NAA60: variants seen among roughly 807,000 people sequenced by gnomAD.
The protein encoded by NAA60 is N-alpha-acetyltransferase 60, NatF catalytic subunit, also known as N-alpha-acetyltransferase 60.
Under a neutral mutation model 26.1 loss-of-function variants are expected in NAA60, and 8 were observed. That is an observed-to-expected ratio of 0.31 (90% CI 0.18 to 0.55). NAA60 has a LOEUF of 0.55. Ranked by LOEUF, NAA60 falls within the 20% of genes least tolerant of loss-of-function variation. The probability of loss-of-function intolerance (pLI) is 0.93; values close to 1 mark genes in which losing one functional copy is unlikely to be tolerated. For missense variants in NAA60, 290 were observed against 311.3 expected (o/e 0.93, Z 0.51); for synonymous variants, 131 against 122.5 (o/e 1.07, Z -0.46).
chr16:3,476,924 C>T (rs1567392609), intron 3 of NAA60, among the ~76,000 whole-genome samples: 1 of 152,004 alleles, frequency 6.6e-6, no homozygotes, highest in Non-Finnish European at 1.5e-5. Context: ...GCCTGTAATC[C>T]TAGCTACTTG....
chr16:3,465,891 A>G (rs1029131543), intron 2 of NAA60, among the ~76,000 whole-genome samples: 4 of 152,194 alleles, frequency 2.6e-5, no homozygotes, highest in Non-Finnish European at 5.9e-5. Context: ...TTTCAATGCA[A>G]TTGCGATAAA....
intron 2 of NAA60, among the ~76,000 whole-genome samples, chr16:3,466,119 C>T (rs531874957): frequency 6.6e-5 from 10 of 152,384 alleles, no homozygotes; most frequent in African/African-American, 2.2e-4. Context: ...CGCCATCGCG[C>T]TTCTCAGCTC....
At chr16:3,474,519 A>C (rs2036350665) in intron 2 of NAA60, among the ~76,000 whole-genome samples, 1 of 152,236 alleles carries the variant, frequency 6.6e-6, no homozygotes, top group Admixed American at 6.5e-5. Context: ...CCTTGTCAGG[A>C]AAGGGAAGGT....
intron 2 of NAA60, among the ~76,000 whole-genome samples, chr16:3,473,281 T>C (rs1244957267): frequency 6.6e-6 from 1 of 152,116 alleles, no homozygotes; most frequent in Non-Finnish European, 1.5e-5. Context: ...CTGGGTAATT[T>C]ATAAAGGAAC....
chr16:3,470,152 C>A (rs1213892529), intron 2 of NAA60, among the ~76,000 whole-genome samples: 2 of 152,228 alleles, frequency 1.3e-5, no homozygotes, highest in Non-Finnish European at 2.9e-5. Context: ...CCAGGGGTGA[C>A]TGACACAGTT....
At chr16:3,445,272 ATC>A (rs58240014) in intron 1 of NAA60, among the ~76,000 whole-genome samples, 3,289 of 138,528 alleles carry the variant, frequency 0.024, 179 homozygotes, top group African/African-American at 0.084. Context: ...GTTTGTGCTT[ATC>A]TCTTTTTTTT....
chr16:3,455,761 A>G (rs1192450601), intron 2 of NAA60, among the ~76,000 whole-genome samples: 1 of 146,582 alleles, frequency 6.8e-6, no homozygotes, highest in Non-Finnish European at 1.5e-5. Flanking sequence ...AGACTGGAGT[A>G]CAGTGGCGCG....
At chr16:3,445,727 C>T (rs1596275290) in intron 1 of NAA60, among the ~76,000 whole-genome samples, 1 of 151,930 alleles carries the variant, frequency 6.6e-6, no homozygotes, top group East Asian at 1.9e-4. Flanking sequence ...ACACAGTTTC[C>T]AATGCTTTGA....
chr16:3,479,763 CTG>C (rs397970860), intron 4 of NAA60, among the ~76,000 whole-genome samples, 163 bp downstream of exon 4: 4 of 150,988 alleles, frequency 2.6e-5, no homozygotes, highest in South Asian at 4.2e-4. Context: ...TGGTGCTTTT[CTG>C]TGTGTGTGTG....
intron 6 of NAA60, chr16:3,483,842 C>G (rs958325797): frequency 1.9e-6 from 1 of 516,300 alleles, no homozygotes; most frequent in Admixed American, 3.7e-5. Flanking sequence ...ATCCGCCTGC[C>G]GCAGCCTCCC....
At chr16:3,477,567 AAGGT>A (rs1596346878) in intron 3 of NAA60, among the ~76,000 whole-genome samples, 7 of 145,240 alleles carry the variant, frequency 4.8e-5, no homozygotes, top group Non-Finnish European at 7.6e-5. Context: ...TTGGGAGGCC[AAGGT>A]GGGTGGATCA....
intron 4 of NAA60, 42 bp downstream of exon 4, chr16:3,479,642 T>C (rs377035290): frequency 4.4e-5 from 71 of 1,608,580 alleles, no homozygotes; most frequent in Non-Finnish European, 5.4e-5. Context: ...GTCACTGTCA[T>C]TGGACGGGCC....
chr16:3,475,336 C>T (rs1007366317), intron 2 of NAA60, among the ~76,000 whole-genome samples: 3 of 152,170 alleles, frequency 2.0e-5, no homozygotes, highest in African/African-American at 7.2e-5. Flanking sequence ...GCAGTCCACC[C>T]ACCTTGGCCT....
In NAA60 at chr16:3,486,084, T is replaced by C; in HGVS notation, c.*824T>C. 1 of 204,388 alleles carries C rather than the reference T, an allele frequency of 4.9e-6. No individual in the cohort carries two copies. Among genetic ancestry groups the C allele is most frequent in the Non-Finnish European group, 1.0e-5 (1 of 97,690 alleles). 12.7% of individuals were successfully genotyped at this position (204,388 alleles called of 1,614,324 possible). A position where few individuals can be genotyped will look rare whatever the true frequency, so the allele number is the denominator to read the frequency against. ...TGCCACAAGCTGCTGCTCCAAGGCC[T>C]GGCCACATGCAGACAGGAGGAAGCT... On this transcript the variant is annotated 3_prime_UTR_variant, in exon 8 of 8. Coordinates refer to ENST00000407558, the MANE Select transcript of NAA60 (RefSeq NM_001083601.3).
At chr16:3,470,679 G>T (rs1004820895) in intron 2 of NAA60, among the ~76,000 whole-genome samples, 2 of 150,886 alleles carry the variant, frequency 1.3e-5, no homozygotes, top group Non-Finnish European at 1.5e-5. Flanking sequence ...GTTGGGGGGG[G>T]CCGCTGGCCC....
chr16:3,483,403 C>T lies in NAA60; in HGVS notation c.378C>T (p.Thr126=). The part of the protein sequence containing the change: ...LLESLKDHIS[T]TAQDHCKAIY... Reference sequence around the variant, plus strand: ...AAAGTTTAAAGGATCACATATCAACCACCGCCCAGGACCACTGCAAAGCCA... The same window carrying T: ...AAAGTTTAAAGGATCACATATCAACTACCGCCCAGGACCACTGCAAAGCCA... Residue 126 remains threonine, a synonymous_variant, in exon 6 of 8, where the codon ACC becomes ACT. Coordinates refer to ENST00000407558, the MANE Select transcript of NAA60 (RefSeq NM_001083601.3). 6.2e-7 allele frequency: 1 copy of T among 1,613,506 alleles called. No homozygotes were observed. The highest frequency in any genetic ancestry group is 8.5e-7 in the Non-Finnish European group (1 of 1,179,676).
intron 2 of NAA60, among the ~76,000 whole-genome samples, chr16:3,449,769 G>C (rs962547499): frequency 6.6e-6 from 1 of 152,042 alleles, no homozygotes; most frequent in Non-Finnish European, 1.5e-5. Flanking sequence ...TAATTGAATC[G>C]TGGGGCAGGT....
At chr16:3,463,307 G>A (rs2150970913) in intron 2 of NAA60, among the ~76,000 whole-genome samples, 1 of 152,092 alleles carries the variant, frequency 6.6e-6, no homozygotes, top group East Asian at 1.9e-4. Context: ...TAGCACTTTG[G>A]GAGGCCGAGG....
intron 2 of NAA60, among the ~76,000 whole-genome samples, chr16:3,471,900 C>CTG (rs2036171789): frequency 6.6e-6 from 1 of 152,138 alleles, no homozygotes; most frequent in African/African-American, 2.4e-5. Context: ...TCTGGAAAGG[C>CTG]TGAATCGAGG....
Sources: gnomAD v4.1 joint callset for allele counts (sites outside exome capture counted in the v4.1 genomes callset) on GRCh38, gnomAD v4.1.1 for gene constraint, MANE v1.5 for transcripts, NCBI Gene and HGNC (gene_info 2026-07-23, HGNC 2026-07-21) for gene names.